Variants in TTC6 observed in about 807,000 individuals in gnomAD.
TTC6 encodes tetratricopeptide repeat domain 6, also known as tetratricopeptide repeat protein 6.
A neutral mutation model predicts 210.4 loss-of-function variants in TTC6; 172 were observed. That is an observed-to-expected ratio of 0.82 (90% CI 0.72 to 0.93). TTC6 has a LOEUF of 0.93. TTC6 is among the 40% of genes least tolerant of loss of function. The probability of loss-of-function intolerance (pLI) is 0.00; values close to 1 mark genes in which losing one functional copy is unlikely to be tolerated. For synonymous variants in TTC6, 804 were observed against 819.6 expected (o/e 0.98, Z 0.32); for missense variants, 2,414 against 2,318.1 (o/e 1.04, Z -0.85).
chr14:37,657,876 G>A (rs177874), intron 1 of TTC6, among the ~76,000 whole-genome samples: 7 of 152,196 alleles, frequency 4.6e-5, no homozygotes, highest in East Asian at 3.9e-4. Flanking sequence ...TGTACCAACC[G>A]TTAAAAACAT....
intron 5 of TTC6, among the ~76,000 whole-genome samples, chr14:37,704,423 T>C (rs2095831521): frequency 6.6e-6 from 1 of 152,150 alleles, no homozygotes; most frequent in African/African-American, 2.4e-5. Flanking sequence ...GTTCTTTTCC[T>C]TACACCCTTG....
Position 37,737,749 on chromosome 14 carries a change from C to T in TTC6, c.1983+15C>T. On this transcript the variant is annotated intron_variant, in intron 9 of 30. Coordinates refer to ENST00000553443, the Ensembl canonical transcript of TTC6. ...CACAACTAAGGGTATTATAATTTTA[C>T]AGTTTTTACTCTCTAAAAGAAACAT... 1 of 1,397,904 alleles carries T rather than the reference C, an allele frequency of 7.2e-7. No individual in the cohort carries two copies. The highest frequency in any genetic ancestry group is 9.6e-7 in the Non-Finnish European group (1 of 1,043,664). 86.6% of individuals were successfully genotyped at this position (1,397,904 alleles called of 1,614,324 possible).
intron 14 of TTC6, among the ~76,000 whole-genome samples, chr14:37,753,929 T>C (rs942882952): frequency 6.6e-6 from 1 of 152,224 alleles, no homozygotes; most frequent in East Asian, 1.9e-4. Flanking sequence ...CTTCGTGCAT[T>C]GTACCGTTTT....
intron 6 of TTC6, among the ~76,000 whole-genome samples, chr14:37,722,660 T>C (rs1334878085): frequency 6.6e-6 from 1 of 152,178 alleles, no homozygotes; most frequent in Non-Finnish European, 1.5e-5. Context: ...TCTGATTTGA[T>C]TCGATTATGT....
exon 15 of TTC6, chr14:37,787,586 T>C: frequency 1.3e-6 from 2 of 1,522,114 alleles, no homozygotes; most frequent in Non-Finnish European, 1.8e-6. Flanking sequence ...TCGAGGTTGC[T>C]TATTCAGAAA....
intron 10 of TTC6, among the ~76,000 whole-genome samples, chr14:37,740,905 A>C (rs151132178): frequency 6.6e-6 from 1 of 152,300 alleles, no homozygotes; most frequent in East Asian, 1.9e-4. Flanking sequence ...AATGACTTCT[A>C]TCTAAAAAAA....
intron 14 of TTC6, among the ~76,000 whole-genome samples, chr14:37,771,454 ATT>A (rs1037291124): frequency 6.6e-6 from 1 of 152,088 alleles, no homozygotes; most frequent in Non-Finnish European, 1.5e-5. Context: ...TCGGACGTAG[ATT>A]TGGTCTTTTC....
At chr14:37,820,153 G>A (rs2139475990) in intron 26 of TTC6, among the ~76,000 whole-genome samples, 1 of 152,332 alleles carries the variant, frequency 6.6e-6, no homozygotes, top group Middle Eastern at 3.4e-3. Flanking sequence ...ATTCAGAGAT[G>A]AAATTACTGT....
intron 2 of TTC6, among the ~76,000 whole-genome samples, chr14:37,615,050 G>T: frequency 6.6e-6 from 1 of 152,102 alleles, no homozygotes; most frequent in Non-Finnish European, 1.5e-5. Context: ...CCTGCTCTGG[G>T]TTGACATTTA....
In TTC6 at chr14:37,830,315, A is replaced by G. The variant is rs184641147; in HGVS notation, c.5298+2949A>G. The stretch of plus-strand genomic sequence containing the variant: ...AAAGTTTTACCAAGGTATTCCTTAG[A>G]GTTGACCACTGCAGGTTAAATTTAT... On this transcript the variant is annotated intron_variant, in intron 29 of 30. Coordinates refer to ENST00000553443, the Ensembl canonical transcript of TTC6. Among the ~76,000 whole-genome samples, 3 of 152,170 alleles carry G rather than the reference A, an allele frequency of 2.0e-5. No individual in the cohort carries two copies. The East Asian group carries it at 5.8e-4, about 29-fold the overall frequency.
At chr14:37,695,040 C>A (rs1439374516) in intron 3 of TTC6, among the ~76,000 whole-genome samples, 74 of 57,252 alleles carry the variant, frequency 1.3e-3, no homozygotes, top group African/African-American at 2.8e-3. Context: ...GGCCCTGTCT[C>A]AAAAAAAAAA....
chr14:37,670,051 A>G (rs539293979), intron 1 of TTC6, among the ~76,000 whole-genome samples: 35 of 152,330 alleles, frequency 2.3e-4, no homozygotes, highest in African/African-American at 7.9e-4. Context: ...GGTGATATGA[A>G]TCAATCACTC....
chr14:37,650,585 C>G (rs1341564956), intron 1 of TTC6, among the ~76,000 whole-genome samples: 2 of 152,174 alleles, frequency 1.3e-5, no homozygotes, highest in African/African-American at 4.8e-5. Flanking sequence ...TCTGCACTGG[C>G]CTTTGCTAAC....
At chr14:37,596,607 T>C (rs1266995519) in intron 1 of TTC6, among the ~76,000 whole-genome samples, 1 of 152,230 alleles carries the variant, frequency 6.6e-6, no homozygotes, top group African/African-American at 2.4e-5. Context: ...TGCGTGTGTT[T>C]TGAGTGTGTG....
chr14:37,690,445 T>TA (rs1181927490), intron 3 of TTC6, among the ~76,000 whole-genome samples: 6 of 151,984 alleles, frequency 3.9e-5, no homozygotes, highest in South Asian at 2.1e-4. Context: ...TGGAATGGAT[T>TA]AAAAAAATAA....
At chr14:37,841,522 T>C (rs772439501) in exon 30 of TTC6, 1 of 1,602,302 alleles carries the variant, frequency 6.2e-7, no homozygotes, top group South Asian at 1.1e-5. Flanking sequence ...CTATTACAAA[T>C]ACAATATTAA....
At chr14:37,797,982 T>C (rs1455475354) in intron 20 of TTC6, among the ~76,000 whole-genome samples, 1 of 152,146 alleles carries the variant, frequency 6.6e-6, no homozygotes, top group Non-Finnish European at 1.5e-5. Context: ...TGTGCTATTT[T>C]AGATTCTCTG....
At chr14:37,808,767 C>G in exon 24 of TTC6, 1 of 1,519,618 alleles carries the variant, frequency 6.6e-7, no homozygotes, top group Non-Finnish European at 8.8e-7. Flanking sequence ...TTAACTACAG[C>G]TATCAGCATG....
chr14:37,720,062 A>G (rs934952284), intron 6 of TTC6, among the ~76,000 whole-genome samples: 3 of 152,234 alleles, frequency 2.0e-5, no homozygotes, highest in African/African-American at 7.2e-5. Flanking sequence ...CATAGGATAT[A>G]TAGATGGCAA....
Sources: allele counts gnomAD v4.1 joint callset (sites outside exome capture counted in the v4.1 genomes callset), GRCh38; gene constraint gnomAD v4.1.1; transcripts MANE v1.5; gene names NCBI Gene and HGNC (gene_info 2026-07-23, HGNC 2026-07-21).